PHF21B: variants seen among roughly 807,000 people sequenced by gnomAD.
The protein encoded by PHF21B is PHD finger protein 4.
PHF21B carries 22 observed loss-of-function variants against 62.2 expected under a neutral mutation model. The observed-to-expected ratio is 0.35, with a 90% CI of 0.25 to 0.51. PHF21B has a LOEUF of 0.51. PHF21B is among the 20% of genes least tolerant of loss of function. The pLI, the probability that PHF21B is intolerant of heterozygous loss-of-function variation, is 0.97. For synonymous variants in PHF21B, 341 were observed against 314.7 expected, an observed-to-expected ratio of 1.08 and a Z score of -0.88; for missense variants, 701 against 707.9, an observed-to-expected ratio of 0.99 and a Z score of 0.11.
rs768652220 is a variant in PHF21B, at chr22:44,913,825, G to A, written c.828C>T (p.Pro276=). Residue 276 remains proline, a synonymous_variant, in exon 5 of 13, where the codon CCC becomes CCT. Coordinates refer to ENST00000313237, the MANE Select transcript of PHF21B (RefSeq NM_138415.5). ...CCTCCGGAGAGGCCTGTCCTACCTCGGGGTTCTCCTGGGTCGGGGGCCGGT... is the reference window on the plus strand; with the variant it reads ...CCTCCGGAGAGGCCTGTCCTACCTCAGGGTTCTCCTGGGTCGGGGGCCGGT... The part of the protein sequence containing the change: ...KEDRPPTQEN[P]EKIAFMVALG... 13 of 1,612,556 alleles carry A rather than the reference G, an allele frequency of 8.1e-6. No homozygotes were observed. The highest frequency in any genetic ancestry group is 3.3e-5 in the South Asian group (3 of 90,878).
chr22:44,895,660 T>C (rs1248435645), intron 6 of PHF21B, among the ~76,000 whole-genome samples: 2 of 152,164 alleles, frequency 1.3e-5, no homozygotes, highest in East Asian at 3.9e-4. Flanking sequence ...GCAGTCTGCC[T>C]CTTGTCATTT....
At chr22:44,975,936 G>A (rs946072645) in intron 2 of PHF21B, among the ~76,000 whole-genome samples, 15 of 152,276 alleles carry the variant, frequency 9.9e-5, no homozygotes, top group South Asian at 4.1e-4. Context: ...GGGAGGCCAA[G>A]GCAGACGGAT....
At chr22:44,992,520 G>A (rs2073057260) in intron 2 of PHF21B, among the ~76,000 whole-genome samples, 1 of 152,228 alleles carries the variant, frequency 6.6e-6, no homozygotes, top group African/African-American at 2.4e-5. Flanking sequence ...ATCAAACCTT[G>A]GAAAACATCT....
Position 44,888,065 on chromosome 22 carries a change from C to T in PHF21B, c.1095G>A (p.Gln365=). ...CAACKRGANL[Q]PCGTCPGAYH... is the part of the protein sequence containing the mutation. The stretch of plus-strand genomic sequence containing the variant: ...AGGCCCCCGGGCAGGTGCCGCAGGG[C>T]TGCAGGTTGGCCCCTCGCTTGCAGG... Residue 365 remains glutamine (Q), a synonymous_variant, in exon 10 of 13, where the codon CAG becomes CAA. Transcript: ENST00000313237. The T allele has an allele frequency of 6.5e-7, 1 of 1,550,256 alleles. No homozygotes were observed. The highest frequency in any genetic ancestry group is 1.4e-5 in the African/African-American group (1 of 73,462).
intron 2 of PHF21B, among the ~76,000 whole-genome samples, chr22:44,978,225 T>G (rs1324235202): frequency 1.3e-5 from 2 of 152,118 alleles, no homozygotes; most frequent in Non-Finnish European, 2.9e-5. Flanking sequence ...TCCGAATTGT[T>G]TTCCAAATTC....
At position 45,009,182 on chromosome 22, in the gene PHF21B, G is replaced by A. The variant is rs957002504; in HGVS notation, c.54+314C>T. 4 of 443,824 alleles carry A rather than the reference G, an allele frequency of 9.0e-6. No individual in the cohort carries two copies. The highest frequency in any genetic ancestry group is 1.4e-5 in the Non-Finnish European group (4 of 276,438). 27.5% of individuals were successfully genotyped at this position (443,824 alleles called of 1,614,324 possible). On this transcript the variant is annotated intron_variant, in intron 1 of 12. Coordinates refer to ENST00000313237, the MANE Select transcript of PHF21B (RefSeq NM_138415.5). The surrounding 1 kb of genome is among the most constrained non-coding windows in gnomAD (Gnocchi z 5.9). ...GGGCCTATTCGCACTCCCCTCCCCG[G>A]GACCGGCTCACGAAGGGGCCCCCTC...
At chr22:45,006,356 T>A (rs2073313882) in intron 2 of PHF21B, among the ~76,000 whole-genome samples, 2 of 152,214 alleles carry the variant, frequency 1.3e-5, no homozygotes, top group Non-Finnish European at 2.9e-5. Context: ...TTTTCCTTGC[T>A]TTCTTTCTTT....
chr22:44,902,059 G>T, intron 5 of PHF21B: 1 of 230,894 alleles, frequency 4.3e-6, no homozygotes, highest in South Asian at 8.0e-5. Context: ...GCAAGAGGGC[G>T]GTTCTCCTGA....
chr22:44,961,456 T>C (rs2072418813), intron 2 of PHF21B, among the ~76,000 whole-genome samples: 1 of 152,118 alleles, frequency 6.6e-6, no homozygotes, highest in East Asian at 1.9e-4. Context: ...ACTGTTGCCG[T>C]CTTTATGTCC....
At chr22:44,961,839 T>C (rs1171019356) in intron 2 of PHF21B, among the ~76,000 whole-genome samples, 1 of 146,626 alleles carries the variant, frequency 6.8e-6, no homozygotes, top group East Asian at 2.0e-4. Context: ...AGCGAGACTC[T>C]GTCTCAAAAT....
chr22:44,980,677 G>T (rs1412444120), intron 2 of PHF21B, among the ~76,000 whole-genome samples: 1 of 152,096 alleles, frequency 6.6e-6, no homozygotes, highest in Non-Finnish European at 1.5e-5. Context: ...CCCCAAGACC[G>T]CAAAGTCACT....
At chr22:44,962,754 A>G (rs1402074707) in intron 2 of PHF21B, among the ~76,000 whole-genome samples, 1 of 152,112 alleles carries the variant, frequency 6.6e-6, no homozygotes, top group Non-Finnish European at 1.5e-5. Flanking sequence ...GCCTGGATGA[A>G]GAGCTGCCTG....
chr22:44,957,088 C>T (rs761590460), intron 2 of PHF21B, among the ~76,000 whole-genome samples: 3 of 152,102 alleles, frequency 2.0e-5, no homozygotes, highest in Non-Finnish European at 4.4e-5. Context: ...ACCTCAGCAC[C>T]GCCCCCTCCC....
intron 2 of PHF21B, among the ~76,000 whole-genome samples, chr22:44,968,300 T>A (rs1208661781): frequency 6.6e-6 from 1 of 152,222 alleles, no homozygotes; most frequent in African/African-American, 2.4e-5. Context: ...AAATGTTTAC[T>A]CTGTACTTGG....
At chr22:44,888,841 GC>G (rs2070908515) in intron 9 of PHF21B, among the ~76,000 whole-genome samples, 1 of 152,128 alleles carries the variant, frequency 6.6e-6, no homozygotes, top group Non-Finnish European at 1.5e-5. Context: ...GGAGGGGGAG[GC>G]AGTTATCACA....
intron 3 of PHF21B, among the ~76,000 whole-genome samples, chr22:44,917,623 A>T (rs542026245): frequency 6.6e-6 from 1 of 152,310 alleles, no homozygotes; most frequent in Admixed American, 6.5e-5. Context: ...TTCTACAGAT[A>T]AGCAAACTGA....
intron 5 of PHF21B, among the ~76,000 whole-genome samples, chr22:44,911,353 G>A (rs1569222285): frequency 6.6e-6 from 1 of 152,156 alleles, no homozygotes; most frequent in South Asian, 2.1e-4. Context: ...AGACAGTGGG[G>A]AAAATGTCTC....
intron 2 of PHF21B, among the ~76,000 whole-genome samples, chr22:45,005,463 A>T (rs1016752748): frequency 4.6e-5 from 7 of 152,242 alleles, no homozygotes; most frequent in African/African-American, 1.7e-4. Flanking sequence ...GGTAGGACAA[A>T]AACTAGACAG....
At chr22:45,006,737 C>T (rs1286810655) in intron 2 of PHF21B, among the ~76,000 whole-genome samples, 2 of 152,026 alleles carry the variant, frequency 1.3e-5, no homozygotes, top group Non-Finnish European at 1.5e-5. Flanking sequence ...ATTTTTTCTT[C>T]TTCTCTCTCT....
Sources: gnomAD v4.1 joint callset for allele counts (sites outside exome capture counted in the v4.1 genomes callset) on GRCh38, gnomAD v4.1.1 for gene constraint, Gnocchi (gnomAD v3.1) non-coding constraint, MANE v1.5 for transcripts, NCBI Gene and HGNC (gene_info 2026-07-23, HGNC 2026-07-21) for gene names.